Variants in LRRC4C observed in about 807,000 individuals in gnomAD.
The protein encoded by LRRC4C is leucine rich repeat containing 4C.
LRRC4C carries 5 observed loss-of-function variants against 33.6 expected under a neutral mutation model. The observed-to-expected ratio is 0.15, with a 90% CI of 0.08 to 0.31. The LOEUF (loss-of-function observed/expected upper bound fraction) is 0.31, where lower values mean the gene tolerates loss of function less well. Among genes scored for constraint, LRRC4C ranks in the 10% least tolerant of loss-of-function variants. The pLI, the probability that LRRC4C is intolerant of heterozygous loss-of-function variation, is 1.00. For missense variants in LRRC4C, 560 were observed against 796.7 expected (o/e 0.70, Z 3.58); for synonymous variants, 329 against 302.0 (o/e 1.09, Z -0.93).
intron 3 of LRRC4C, among the ~76,000 whole-genome samples, chr11:40,409,558 C>A (rs766449483): frequency 4.0e-5 from 6 of 151,852 alleles, no homozygotes; most frequent in Non-Finnish European, 8.8e-5. Context: ...AACAAACAAA[C>A]AAAACCTGAT....
chr11:40,387,605 T>C (rs1404921525), intron 3 of LRRC4C, among the ~76,000 whole-genome samples: 1 of 152,184 alleles, frequency 6.6e-6, no homozygotes, highest in Non-Finnish European at 1.5e-5. Context: ...CTGTAGACAC[T>C]GAAGCAAACC....
intron 6 of LRRC4C, among the ~76,000 whole-genome samples, chr11:40,128,212 T>C (rs1174461091): frequency 6.6e-6 from 1 of 152,182 alleles, no homozygotes; most frequent in Non-Finnish European, 1.5e-5. Flanking sequence ...AATGGCATAG[T>C]GTACACTGAA....
At chr11:41,332,377 C>A (rs1259437677) in intron 1 of LRRC4C, among the ~76,000 whole-genome samples, 1 of 152,122 alleles carries the variant, frequency 6.6e-6, no homozygotes, top group African/African-American at 2.4e-5. Context: ...AAGTGCCCAG[C>A]TACCACCACA....
chr11:40,659,027 G>A (rs370365353), intron 2 of LRRC4C, among the ~76,000 whole-genome samples: 17 of 152,314 alleles, frequency 1.1e-4, no homozygotes, highest in African/African-American at 3.8e-4. Context: ...CACAGCTGCA[G>A]CCACCCAGAA....
At chr11:41,304,362 T>C (rs868393365) in intron 1 of LRRC4C, among the ~76,000 whole-genome samples, 124 of 51,008 alleles carry the variant, frequency 2.4e-3, no homozygotes, top group Admixed American at 3.1e-3. Flanking sequence ...GGGTCAGCCC[T>C]CCGCCCGGCC....
chr11:40,234,647 T>C (rs1425722439), intron 5 of LRRC4C, among the ~76,000 whole-genome samples: 5 of 152,124 alleles, frequency 3.3e-5, no homozygotes, highest in African/African-American at 1.2e-4. Context: ...GGCACACGCA[T>C]GTGGTCCCAG....
intron 1 of LRRC4C, among the ~76,000 whole-genome samples, chr11:41,170,790 A>C (rs909856280): frequency 6.6e-6 from 1 of 152,240 alleles, no homozygotes; most frequent in Non-Finnish European, 1.5e-5. Context: ...TGCAAAGCAA[A>C]AGAAACAACC....
intron 2 of LRRC4C, among the ~76,000 whole-genome samples, chr11:40,907,166 G>T (rs1956460095): frequency 6.6e-6 from 1 of 152,146 alleles, no homozygotes; most frequent in Non-Finnish European, 1.5e-5. Flanking sequence ...CAACATCTTT[G>T]GCTGAAACTA....
intron 2 of LRRC4C, among the ~76,000 whole-genome samples, chr11:40,912,886 G>A (rs1470707494): frequency 6.6e-6 from 1 of 152,052 alleles, no homozygotes; most frequent in Admixed American, 6.6e-5. Context: ...AAAAAGGCAG[G>A]GGTTGCAATC....
intron 3 of LRRC4C, among the ~76,000 whole-genome samples, chr11:40,408,200 C>T (rs1950027384): frequency 1.3e-5 from 2 of 151,964 alleles, no homozygotes; most frequent in Admixed American, 6.6e-5. Context: ...CGAAACTATA[C>T]TCTGAAATCC....
At chr11:40,833,059 T>C (rs1228763348) in intron 2 of LRRC4C, among the ~76,000 whole-genome samples, 1 of 152,184 alleles carries the variant, frequency 6.6e-6, no homozygotes. Flanking sequence ...CTTTTTAATC[T>C]TAGTTAAAAC....
rs1228540403 is a variant in LRRC4C at position 40,925,410 on chromosome 11, G to A, written c.-407+8225C>T. Among the ~76,000 whole-genome samples the A allele has an allele frequency of 2.0e-5, 3 of 152,188 alleles. No homozygotes were observed. In the East Asian group the frequency reaches 5.8e-4, roughly 29 times the overall value. On this transcript the variant is annotated intron_variant, in intron 2 of 6. Transcript: ENST00000528697. The stretch of plus-strand genomic sequence containing the variant: ...CATTTCTTTGCCATGGCAACTGTCA[G>A]TGGTCCAGGGAGTATCTGCTACCTC...
intron 1 of LRRC4C, among the ~76,000 whole-genome samples, chr11:41,176,567 C>T (rs1945207035): frequency 6.6e-6 from 1 of 152,050 alleles, no homozygotes; most frequent in Non-Finnish European, 1.5e-5. Flanking sequence ...AATCCCTGCT[C>T]TTATACTTTA....
chr11:40,542,595 G>A (rs533156199), intron 3 of LRRC4C, among the ~76,000 whole-genome samples: 1 of 152,174 alleles, frequency 6.6e-6, no homozygotes, highest in South Asian at 2.1e-4. Flanking sequence ...CCTGGCTTGG[G>A]AGTTTCCCTA....
chr11:41,373,710 C>A lies in LRRC4C; in HGVS notation c.-496+85721G>T, dbSNP rs187961172. Among the ~76,000 whole-genome samples, 380 of 152,110 alleles carry A rather than the reference C, an allele frequency of 2.5e-3. 2 individuals carry two copies. Among genetic ancestry groups the A allele is most frequent in the African/African-American group, 8.8e-3 (365 of 41,532 alleles). On this transcript the variant is annotated intron_variant, in intron 1 of 6. Coordinates refer to ENST00000528697, the MANE Select transcript of LRRC4C (RefSeq NM_001258419.2). ...AATATAAAGATACCGACAGTGTAAG[C>A]TTTTTTATAATTTGGGTTATGAATG...
At chr11:41,134,292 C>A (rs1943156174) in intron 1 of LRRC4C, among the ~76,000 whole-genome samples, 1 of 152,044 alleles carries the variant, frequency 6.6e-6, no homozygotes, top group Non-Finnish European at 1.5e-5. Context: ...TTTGTAGAGA[C>A]AGACTCTCTC....
chr11:41,030,335 G>A (rs1056741091), intron 1 of LRRC4C, among the ~76,000 whole-genome samples: 1 of 151,802 alleles, frequency 6.6e-6, no homozygotes, highest in African/African-American at 2.4e-5. Context: ...AAATAGGTGA[G>A]TAATTCTGTG....
chr11:40,489,751 A>T (rs1954052779), intron 3 of LRRC4C, among the ~76,000 whole-genome samples: 1 of 152,122 alleles, frequency 6.6e-6, no homozygotes, highest in African/African-American at 2.4e-5. Context: ...CTAATAGGTC[A>T]GCTCCCATTT....
At chr11:40,561,635 A>G (rs1261890024) in intron 3 of LRRC4C, among the ~76,000 whole-genome samples, 1 of 151,410 alleles carries the variant, frequency 6.6e-6, no homozygotes, top group Admixed American at 6.6e-5. Flanking sequence ...GATGGTCTCG[A>G]TCTCCTGACC....
Sources: allele counts gnomAD v4.1 joint callset (sites outside exome capture counted in the v4.1 genomes callset), GRCh38; gene constraint gnomAD v4.1.1; transcripts MANE v1.5; gene names NCBI Gene and HGNC (gene_info 2026-07-23, HGNC 2026-07-21).